Variants in ATRX observed in about 807,000 individuals in gnomAD.
ATRX encodes ATRX chromatin remodeler.
In ATRX, 12 loss-of-function variants were observed where a neutral mutation model predicts 172.6. That is an observed-to-expected ratio of 0.07 (90% CI 0.04 to 0.11). The LOEUF (loss-of-function observed/expected upper bound fraction) is 0.11. Among genes scored for constraint, ATRX ranks in the 10% least tolerant of loss-of-function variants. The probability of loss-of-function intolerance (pLI) is 1.00; values close to 1 mark genes in which losing one functional copy is unlikely to be tolerated. For synonymous variants in ATRX, 674 were observed against 594.7 expected (o/e 1.13, Z -1.94); for missense variants, 1,368 against 1,767.4 (o/e 0.77, Z 4.05).
At chrX:77,584,418 T>A (rs2148061702) in intron 27 of ATRX, among the ~76,000 whole-genome samples, 1 of 111,736 alleles carries the variant, frequency 8.9e-6, no homozygotes, top group Non-Finnish European at 1.9e-5. Context: ...GACTTTATAC[T>A]ACAGAACTAT....
intron 1 of ATRX, among the ~76,000 whole-genome samples, chrX:77,765,509 G>A (rs1201190231): frequency 9.0e-6 from 1 of 111,031 alleles, no homozygotes; most frequent in Non-Finnish European, 1.9e-5. Flanking sequence ...TTACAGAAGT[G>A]TTATAAAATA....
intron 30 of ATRX, among the ~76,000 whole-genome samples, chrX:77,542,494 G>A (rs1039718530): frequency 8.9e-6 from 1 of 111,991 alleles, no homozygotes; most frequent in Non-Finnish European, 1.9e-5. Context: ...AACCAGAAAA[G>A]AGCCTGCAAA....
intron 1 of ATRX, among the ~76,000 whole-genome samples, chrX:77,741,323 A>T (rs1161393357): frequency 2.7e-5 from 3 of 111,541 alleles, no homozygotes; most frequent in Admixed American, 9.6e-5. Context: ...TTCGCTGCTC[A>T]GTAAAAGTTC....
At chrX:77,635,186 G>C (rs1424118463) in intron 16 of ATRX, among the ~76,000 whole-genome samples, 2 of 111,388 alleles carry the variant, frequency 1.8e-5, no homozygotes, top group Admixed American at 9.5e-5. Context: ...TCAGGAGGCT[G>C]AGTTGGGAGA....
At chrX:77,772,484 A>C (rs1265859769) in intron 1 of ATRX, among the ~76,000 whole-genome samples, 5 of 106,253 alleles carry the variant, frequency 4.7e-5, no homozygotes, top group African/African-American at 1.0e-4. Flanking sequence ...AAAAAAAAAA[A>C]AGCTTTTTTT....
At chrX:77,627,216 G>C (rs1035627286) in intron 19 of ATRX, among the ~76,000 whole-genome samples, 10 of 110,464 alleles carry the variant, frequency 9.1e-5, no homozygotes, top group Non-Finnish European at 1.7e-4. Context: ...CTGGGTGACA[G>C]AGTGAGACTC....
chrX:77,515,281 T>C (rs1557038668), intron 34 of ATRX, among the ~76,000 whole-genome samples: 1 of 111,642 alleles, frequency 9.0e-6, no homozygotes, highest in African/African-American at 3.3e-5. Context: ...ATTGTTCTAT[T>C]ATAATGACAC....
At chrX:77,717,679 C>A (rs1474457407) in intron 1 of ATRX, among the ~76,000 whole-genome samples, 2 of 110,182 alleles carry the variant, frequency 1.8e-5, no homozygotes, top group Non-Finnish European at 3.8e-5. Context: ...GTACACTTAC[C>A]TAGGATTAAA....
intron 22 of ATRX, among the ~76,000 whole-genome samples, chrX:77,612,973 AT>A (rs1416528446): frequency 8.9e-6 from 1 of 111,844 alleles, no homozygotes; most frequent in Non-Finnish European, 1.9e-5. Context: ...TCCATACCAC[AT>A]TTTGTTTATG....
At position 77,639,611 on chromosome X, in the gene ATRX, C is replaced by CAA. The variant is rs782717649; in HGVS notation, c.4558-3557_4558-3556dup. Among the ~76,000 whole-genome samples the CAA allele has an allele frequency of 2.3e-3, 252 of 111,668 alleles. 1 individual carries two copies. Among genetic ancestry groups the CAA allele is most frequent in the Middle Eastern group, 0.014 (3 of 216 alleles). ...TGCCACAATAAAAAAAACTAATATA[C>CAA]AAGGCTTTAATTAAGATTTCTGAAC... On this transcript the variant is annotated intron_variant, in intron 15 of 34. Coordinates refer to ENST00000373344, the MANE Select transcript of ATRX (RefSeq NM_000489.6).
In ATRX at chrX:77,541,322, A is replaced by G. The variant is rs147022165; in HGVS notation, c.6699+16129T>C. ...AACAAGTTCTGAAACTGAGGCAGTAATTAATAGCCCACAAACAAAAGGAAG... is the reference window on the plus strand; with the variant it reads ...AACAAGTTCTGAAACTGAGGCAGTAGTTAATAGCCCACAAACAAAAGGAAG... On this transcript the variant is annotated intron_variant, in intron 30 of 34. Coordinates refer to ENST00000373344, the MANE Select transcript of ATRX (RefSeq NM_000489.6). 5.9e-3 allele frequency among the ~76,000 whole-genome samples: 668 copies of G among 112,340 alleles called. 3 individuals are homozygous for G. Among genetic ancestry groups the G allele is most frequent in the African/African-American group, 0.02 (626 of 30,932 alleles).
rs182047480 is a variant in ATRX, at chrX:77,698,443, C to T, written c.189+131G>A. The T allele has an allele frequency of 1.1e-4, 59 of 524,722 alleles. 1 individual carries two copies. In the Admixed American group the frequency reaches 1.8e-3, roughly 16 times the overall value. The allele number at this position is 524,722 out of a possible 1,213,427, so 43.2% of individuals were successfully genotyped here. A position where few individuals can be genotyped will look rare whatever the true frequency, so the allele number is the denominator to read the frequency against. ...CACCTGTTCTCAAACTGGAAAACAA[C>T]GAAACTGAAGTATAATGACAACTGG... is the stretch of plus-strand genomic sequence containing the variant. On this transcript the variant is annotated intron_variant, in intron 3 of 34. Coordinates refer to ENST00000373344, the MANE Select transcript of ATRX (RefSeq NM_000489.6).
intron 1 of ATRX, among the ~76,000 whole-genome samples, chrX:77,718,368 CTTTT>C (rs543544690): frequency 1.0e-4 from 9 of 89,395 alleles, no homozygotes; most frequent in African/African-American, 3.2e-4. Context: ...AGCATCAACT[CTTTT>C]TTTTTTTTTT....
intron 21 of ATRX, among the ~76,000 whole-genome samples, chrX:77,617,947 T>C (rs561619303): frequency 2.1e-4 from 23 of 111,243 alleles, no homozygotes; most frequent in Middle Eastern, 9.1e-3. Flanking sequence ...TGTAGTGGCA[T>C]GATTTTAGCT....
intron 1 of ATRX, among the ~76,000 whole-genome samples, chrX:77,748,699 G>A (rs997050780): frequency 3.7e-5 from 4 of 108,403 alleles, no homozygotes; most frequent in Admixed American, 1.0e-4. Context: ...TGATTTTCCC[G>A]CCTCAGCCTC....
intron 1 of ATRX, among the ~76,000 whole-genome samples, chrX:77,766,140 T>C (rs1450773059): frequency 8.9e-6 from 1 of 112,536 alleles, no homozygotes; most frequent in Admixed American, 9.4e-5. Context: ...TTCCCCACCT[T>C]TCCCCCCTTT....
intron 1 of ATRX, among the ~76,000 whole-genome samples, chrX:77,773,416 T>C (rs1263697643): frequency 9.0e-6 from 1 of 111,253 alleles, no homozygotes; most frequent in Non-Finnish European, 1.9e-5. Context: ...TTCAAACCTC[T>C]AAATAAAATG....
At chrX:77,778,416 T>C in intron 1 of ATRX, among the ~76,000 whole-genome samples, 1 of 81,570 alleles carries the variant, frequency 1.2e-5, no homozygotes, top group Non-Finnish European at 2.4e-5. Context: ...CCCTGTCTCT[T>C]AAAAAAAAAA....
chrX:77,659,419 C>T (rs782012828), intron 12 of ATRX, among the ~76,000 whole-genome samples: 1 of 108,148 alleles, frequency 9.2e-6, no homozygotes, highest in African/African-American at 3.4e-5. Flanking sequence ...ACACTTGTAT[C>T]CCTTCTCCTA....
Sources: gnomAD v4.1 joint callset for allele counts (sites outside exome capture counted in the v4.1 genomes callset) on GRCh38, gnomAD v4.1.1 for gene constraint, MANE v1.5 for transcripts, NCBI Gene and HGNC (gene_info 2026-07-23, HGNC 2026-07-21) for gene names.